The following TRAPPC9 variants were observed in gnomAD, a reference collection of about 807,000 sequenced individuals.
The protein encoded by TRAPPC9 is trafficking protein particle complex subunit 9.
A neutral mutation model predicts 124.0 loss-of-function variants in TRAPPC9; 83 were observed. The ratio of observed to expected loss-of-function variants is 0.67; its 90% CI spans 0.56 to 0.80. The LOEUF is 0.80. Among genes scored for constraint, TRAPPC9 ranks in the 30% least tolerant of loss-of-function variants. The pLI, the probability that TRAPPC9 is intolerant of heterozygous loss-of-function variation, is 0.00. For missense variants in TRAPPC9, 1,302 were observed against 1,508.3 expected (o/e 0.86, Z 2.27); for synonymous variants, 638 against 617.5 (o/e 1.03, Z -0.49).
chr8:139,832,168 C>T (rs1432820279), intron 21 of TRAPPC9, among the ~76,000 whole-genome samples: 3 of 152,296 alleles, frequency 2.0e-5, no homozygotes, highest in East Asian at 1.9e-4. Flanking sequence ...AAGGCTCTCC[C>T]GGCCCTGCCA....
intron 7 of TRAPPC9, among the ~76,000 whole-genome samples, chr8:140,382,286 G>A (rs2068631329): frequency 2.0e-5 from 3 of 152,202 alleles, no homozygotes; most frequent in Admixed American, 6.5e-5. Context: ...TTGTTGGACA[G>A]TGGGTGCAGG....
At chr8:139,932,833 T>C (rs1416071092) in intron 19 of TRAPPC9, 1 of 314,342 alleles carries the variant, frequency 3.2e-6, no homozygotes, top group Non-Finnish European at 6.2e-6. Flanking sequence ...TGACATGTAA[T>C]GTAAGAAGAT....
intron 14 of TRAPPC9, among the ~76,000 whole-genome samples, chr8:140,280,815 T>C (rs986982877): frequency 6.6e-6 from 1 of 152,188 alleles, no homozygotes; most frequent in Non-Finnish European, 1.5e-5. Context: ...CCCACACCAC[T>C]GGCAGTCTCA....
chr8:140,269,695 A>G (rs1042245024), intron 15 of TRAPPC9, among the ~76,000 whole-genome samples: 1 of 152,226 alleles, frequency 6.6e-6, no homozygotes, highest in Non-Finnish European at 1.5e-5. Context: ...AGTGTTTGCT[A>G]TAAAATTCTT....
intron 21 of TRAPPC9, among the ~76,000 whole-genome samples, chr8:139,765,115 G>A (rs1013618851): frequency 6.6e-6 from 1 of 152,136 alleles, no homozygotes; most frequent in Non-Finnish European, 1.5e-5. Flanking sequence ...GCTCAGGCTG[G>A]AACGAGCACC....
intron 21 of TRAPPC9, among the ~76,000 whole-genome samples, chr8:139,808,410 G>A (rs151160415): frequency 0.016 from 2,375 of 152,302 alleles, 60 homozygotes; most frequent in African/African-American, 0.052. Context: ...GCAGTGAGCC[G>A]AGATGGTGCC....
chr8:139,998,788 C>T (rs1838208871), intron 18 of TRAPPC9, among the ~76,000 whole-genome samples: 1 of 151,998 alleles, frequency 6.6e-6, no homozygotes, highest in Non-Finnish European at 1.5e-5. Context: ...TGAATACAAG[C>T]TAAAATTATA....
At chr8:140,271,516 A>C (rs1384243497) in intron 15 of TRAPPC9, among the ~76,000 whole-genome samples, 1 of 152,114 alleles carries the variant, frequency 6.6e-6, no homozygotes, top group Non-Finnish European at 1.5e-5. Flanking sequence ...CCAAGTCAGG[A>C]GAGATGGGGA....
intron 17 of TRAPPC9, among the ~76,000 whole-genome samples, chr8:140,032,661 A>G (rs1228339355): frequency 1.3e-5 from 2 of 152,190 alleles, no homozygotes; most frequent in Non-Finnish European, 2.9e-5. Context: ...AGTTGTTTTC[A>G]ATATTTTGTT....
intron 15 of TRAPPC9, among the ~76,000 whole-genome samples, chr8:140,272,438 ATGGTGGTGC>A (rs2064977576): frequency 6.9e-6 from 1 of 145,584 alleles, no homozygotes; most frequent in Admixed American, 6.8e-5. Context: ...GATGGTAGTG[ATGGTGGTGC>A]TGGTGATGGC....
intron 15 of TRAPPC9, among the ~76,000 whole-genome samples, chr8:140,270,329 A>T (rs1367906793): frequency 6.6e-6 from 1 of 152,166 alleles, no homozygotes; most frequent in African/African-American, 2.4e-5. Context: ...AGTGGTTCCC[A>T]CACGCTTGTC....
intron 21 of TRAPPC9, among the ~76,000 whole-genome samples, chr8:139,753,276 T>C (rs1386173814): frequency 6.8e-6 from 1 of 146,698 alleles, no homozygotes; most frequent in East Asian, 2.1e-4. Context: ...CCATCCAACA[T>C]CTACCCATCC....
chr8:140,292,720 T>C (rs1318444364), intron 11 of TRAPPC9, among the ~76,000 whole-genome samples: 2 of 151,026 alleles, frequency 1.3e-5, no homozygotes. Context: ...TAATTCAAGA[T>C]GGATTAAAGA....
At chr8:139,867,087 G>C (rs2319562) in intron 21 of TRAPPC9, among the ~76,000 whole-genome samples, 38,525 of 152,062 alleles carry the variant, frequency 0.25, 5,647 homozygotes, top group Admixed American at 0.36. Context: ...GCCCGCCTTG[G>C]CCTCCCAAAA....
At chr8:140,093,630 T>C (rs1016264648) in intron 17 of TRAPPC9, among the ~76,000 whole-genome samples, 2 of 149,504 alleles carry the variant, frequency 1.3e-5, no homozygotes, top group Non-Finnish European at 3.0e-5. Context: ...ATCGTGCCAC[T>C]GCACTCCAGC....
chr8:139,825,201 T>TA lies in TRAPPC9; in HGVS notation c.3055+60677dup, dbSNP rs1411623344. 6.6e-6 allele frequency among the ~76,000 whole-genome samples: 1 copy of TA among 152,172 alleles called. No homozygotes were observed. Among genetic ancestry groups the TA allele is most frequent in the African/African-American group, 2.4e-5 (1 of 41,450 alleles). ...GCATGGGGTGGCCTCAAGGCAGAGC[T>TA]AGAGCCCAACAGGGCAGCCCACGCA... On this transcript the variant is annotated intron_variant, in intron 21 of 22. Coordinates refer to ENST00000438773, the MANE Select transcript of TRAPPC9 (RefSeq NM_001160372.4). This position sits in a 1 kb window ranked among gnomAD's most constrained non-coding sequence, Gnocchi z 4.6.
chr8:140,138,298 A>G (rs2061335199), intron 17 of TRAPPC9, among the ~76,000 whole-genome samples: 1 of 145,972 alleles, frequency 6.9e-6, no homozygotes, highest in South Asian at 2.1e-4. Flanking sequence ...TGAGACCCCA[A>G]TCTCATAAAT....
intron 11 of TRAPPC9, among the ~76,000 whole-genome samples, chr8:140,297,521 G>A (rs940507641): frequency 6.6e-6 from 1 of 152,124 alleles, no homozygotes; most frequent in Non-Finnish European, 1.5e-5. Flanking sequence ...ATACAGTATT[G>A]ACTGCAGTTT....
intron 2 of TRAPPC9, among the ~76,000 whole-genome samples, chr8:140,446,164 C>G (rs957383390): frequency 6.6e-6 from 1 of 152,022 alleles, no homozygotes; most frequent in Non-Finnish European, 1.5e-5. Flanking sequence ...TGTGGTGGCA[C>G]ATGCCTGTAA....
Sources: gnomAD v4.1 joint callset for allele counts (sites outside exome capture counted in the v4.1 genomes callset) on GRCh38, gnomAD v4.1.1 for gene constraint, Gnocchi (gnomAD v3.1) non-coding constraint, MANE v1.5 for transcripts, NCBI Gene and HGNC (gene_info 2026-07-23, HGNC 2026-07-21) for gene names.